The following PTPRA variants were observed in gnomAD, a reference collection of about 807,000 sequenced individuals.
PTPRA encodes the protein receptor-type tyrosine-protein phosphatase alpha.
A neutral mutation model predicts 104.8 loss-of-function variants in PTPRA; 25 were observed. The ratio of observed to expected loss-of-function variants is 0.24; its 90% CI spans 0.17 to 0.33. The LOEUF (loss-of-function observed/expected upper bound fraction) is 0.33, where lower values mean the gene tolerates loss of function less well. Among genes scored for constraint, PTPRA ranks in the 10% least tolerant of loss-of-function variants. The pLI, the probability that PTPRA is intolerant of heterozygous loss-of-function variation, is 1.00. For missense variants in PTPRA, 765 were observed against 1,015.3 expected (o/e 0.75, Z 3.35); for synonymous variants, 323 against 368.9 (o/e 0.88, Z 1.43).
At chr20:3,007,011 A>G (rs1411147030) in intron 10 of PTPRA, among the ~76,000 whole-genome samples, 1 of 152,112 alleles carries the variant, frequency 6.6e-6, no homozygotes, top group African/African-American at 2.4e-5. Context: ...TATATAATAC[A>G]TATTTTTTAA....
chr20:3,024,410 G>A (rs976154100), intron 16 of PTPRA, 62 bp from the exon 17 acceptor site: 9 of 1,511,550 alleles, frequency 6.0e-6, no homozygotes, highest in South Asian at 3.6e-5. Context: ...GTGGGAACAG[G>A]TGATCTGGCA....
chr20:2,957,789 G>A (rs1423438293), intron 3 of PTPRA, among the ~76,000 whole-genome samples: 1 of 152,146 alleles, frequency 6.6e-6, no homozygotes, highest in African/African-American at 2.4e-5. Flanking sequence ...ACAGCCACAT[G>A]TGTGGGAGGA....
At chr20:2,999,728 A>G (rs2063548625) in intron 9 of PTPRA, among the ~76,000 whole-genome samples, 1 of 152,238 alleles carries the variant, frequency 6.6e-6, no homozygotes, top group Admixed American at 6.5e-5. Context: ...AAACACTGAA[A>G]TTTAAAGGAC....
At chr20:3,026,845 A>G in intron 18 of PTPRA, 65 bp downstream of exon 18, 1 of 1,357,088 alleles carries the variant, frequency 7.4e-7, no homozygotes, top group Non-Finnish European at 1.1e-6. Flanking sequence ...CACCCCTTCC[A>G]TTTCTCAGGT....
In PTPRA at chr20:2,965,191, T is replaced by G; in HGVS notation, c.404T>G (p.Phe135Cys). The G allele has an allele frequency of 6.2e-7, 1 of 1,610,154 alleles. No individual in the cohort carries two copies. Among genetic ancestry groups the G allele is most frequent in the South Asian group, 1.1e-5 (1 of 90,912 alleles). ...SSTAATTPETFPPSGNSDSKD... is the reference protein window; with the variant it reads ...SSTAATTPETCPPSGNSDSKD... ...ACCGCAGCAACCACTCCAGAAACTT[T>G]CCCTCCTTCAGGTACTAGAGATGAT... Residue 135 changes from phenylalanine to cysteine, a missense_variant, in exon 5 of 24, where the codon TTC becomes TGC. Coordinates refer to ENST00000399903, the MANE Select transcript of PTPRA (RefSeq NM_001385305.1).
intron 5 of PTPRA, 87 bp downstream of exon 5, chr20:2,965,289 T>G: frequency 7.5e-7 from 1 of 1,336,082 alleles, no homozygotes; most frequent in Non-Finnish European, 1.0e-6. Flanking sequence ...GCCTTAAAAT[T>G]TCTTCAAATA....
chr20:3,026,081 G>A (rs1378830725), intron 17 of PTPRA, among the ~76,000 whole-genome samples: 36 of 151,650 alleles, frequency 2.4e-4, no homozygotes, highest in Admixed American at 2.4e-3. Context: ...AAGTAGCTGG[G>A]TCTACAGGCA....
chr20:2,984,162 A>G (rs866858127), intron 6 of PTPRA, among the ~76,000 whole-genome samples: 3 of 152,180 alleles, frequency 2.0e-5, no homozygotes, highest in Non-Finnish European at 4.4e-5. Flanking sequence ...GAAACTTACC[A>G]TTAACAAAGA....
At chr20:2,986,516 T>C (rs1341274330) in intron 6 of PTPRA, among the ~76,000 whole-genome samples, 3 of 152,142 alleles carry the variant, frequency 2.0e-5, no homozygotes, top group African/African-American at 7.2e-5. Context: ...ACAGAGTAAA[T>C]AAATGTATGA....
intron 3 of PTPRA, among the ~76,000 whole-genome samples, chr20:2,960,922 T>C (rs1227367833): frequency 1.3e-5 from 2 of 152,104 alleles, no homozygotes; most frequent in African/African-American, 2.4e-5. Context: ...CTTAGTAATA[T>C]ATGTTTAAGT....
At chr20:2,909,943 A>AT (rs1369831711) in intron 1 of PTPRA, among the ~76,000 whole-genome samples, 19 of 127,938 alleles carry the variant, frequency 1.5e-4, no homozygotes, top group Admixed American at 9.8e-4. Flanking sequence ...TAATATGTGT[A>AT]ATTATATATT....
intron 10 of PTPRA, among the ~76,000 whole-genome samples, chr20:3,005,429 C>T (rs569453583): frequency 2.2e-4 from 33 of 151,982 alleles, no homozygotes; most frequent in African/African-American, 7.7e-4. Context: ...GTGTGTCTGT[C>T]GTCCCAGCTA....
chr20:2,866,781 A>G, the PTPRA span: 12 of 696,420 alleles, frequency 1.7e-5, no homozygotes, highest in Admixed American at 3.2e-5. Flanking sequence ...AGCTCAAGAC[A>G]GGATCCTCCA....
chr20:2,922,875 TC>T (rs1447660107), intron 1 of PTPRA, among the ~76,000 whole-genome samples: 1 of 151,658 alleles, frequency 6.6e-6, no homozygotes, highest in Non-Finnish European at 1.5e-5. Flanking sequence ...CCTCAAGTGA[TC>T]CACCCACCTC....
At chr20:2,960,977 G>A (rs564514575) in intron 3 of PTPRA, among the ~76,000 whole-genome samples, 1 of 151,946 alleles carries the variant, frequency 6.6e-6, no homozygotes, top group South Asian at 2.1e-4. Context: ...CTTTTTAGCA[G>A]TGAGTAATAT....
At chr20:2,946,304 C>T (rs2061128952) in intron 2 of PTPRA, among the ~76,000 whole-genome samples, 1 of 152,018 alleles carries the variant, frequency 6.6e-6, no homozygotes, top group Non-Finnish European at 1.5e-5. Context: ...TCCCATTTAC[C>T]TTCAGAAAAA....
At chr20:2,986,878 T>C in intron 7 of PTPRA, 29 bp downstream of exon 7, 1 of 1,557,204 alleles carries the variant, frequency 6.4e-7, no homozygotes, top group Non-Finnish European at 8.9e-7. Context: ...CACATTCTCT[T>C]AGATTCTGTT....
intron 3 of PTPRA, among the ~76,000 whole-genome samples, chr20:2,952,581 C>T (rs1333476317): frequency 6.6e-6 from 1 of 152,098 alleles, no homozygotes; most frequent in Non-Finnish European, 1.5e-5. Context: ...CAAAATTTAA[C>T]ATTTTAACTC....
At chr20:2,941,748 T>A (rs2060930958) in intron 2 of PTPRA, among the ~76,000 whole-genome samples, 1 of 152,200 alleles carries the variant, frequency 6.6e-6, no homozygotes, top group African/African-American at 2.4e-5. Context: ...TTTCAGACCC[T>A]GCTCCTGCCC....
Sources: allele counts gnomAD v4.1 joint callset (sites outside exome capture counted in the v4.1 genomes callset), GRCh38; gene constraint gnomAD v4.1.1; transcripts MANE v1.5; gene names NCBI Gene and HGNC (gene_info 2026-07-23, HGNC 2026-07-21).